Variants in CDK6 observed in about 807,000 individuals in gnomAD.
CDK6 encodes cyclin-dependent kinase 6.
Under a neutral mutation model 37.1 loss-of-function variants are expected in CDK6, and 6 were observed. The observed-to-expected ratio is 0.16, with a 90% confidence interval of 0.09 to 0.32. CDK6 has a LOEUF of 0.32. Among genes scored for constraint, CDK6 ranks in the 10% least tolerant of loss-of-function variants. The pLI is 1.00. For missense variants in CDK6, 224 were observed against 418.9 expected, an observed-to-expected ratio of 0.53 and a Z score of 4.06; for synonymous variants, 160 against 161.3, an observed-to-expected ratio of 0.99 and a Z score of 0.06.
intron 4 of CDK6, among the ~76,000 whole-genome samples, chr7:92,715,344 C>T (rs75945930): frequency 6.6e-6 from 1 of 152,066 alleles, no homozygotes; most frequent in African/African-American, 2.4e-5. Context: ...AATTTACAGC[C>T]CCATTTTTAG....
chr7:92,630,117 C>T (rs1315271568), intron 5 of CDK6, among the ~76,000 whole-genome samples: 1 of 152,046 alleles, frequency 6.6e-6, no homozygotes, highest in Non-Finnish European at 1.5e-5. Context: ...CGTCCTTCTT[C>T]ATATTAATGA....
chr7:92,665,763 C>A (rs1796942482), intron 5 of CDK6, among the ~76,000 whole-genome samples: 1 of 152,194 alleles, frequency 6.6e-6, no homozygotes, highest in South Asian at 2.1e-4. Flanking sequence ...ATACACAAAT[C>A]ATTACAGAAA....
In CDK6 at chr7:92,608,711, T is replaced by A. The variant is rs1795489371; in HGVS notation, c.*6429A>T. ...AGACACCCGTTTGCTACTAGGGACATTTTTCTTCCTAAGATTTGCAGAACA... is the reference window on the plus strand; with the variant it reads ...AGACACCCGTTTGCTACTAGGGACAATTTTCTTCCTAAGATTTGCAGAACA... On this transcript the variant is annotated 3_prime_UTR_variant, in exon 8 of 8. Transcript: ENST00000424848. 8.7e-6 allele frequency: 2 copies of A among 230,072 alleles called. No homozygotes were observed. Among genetic ancestry groups the A allele is most frequent in the Admixed American group, 1.1e-4 (2 of 17,686 alleles). The allele number at this position is 230,072 out of a possible 1,614,324, so 14.3% of individuals were successfully genotyped here.
chr7:92,818,748 T>G (rs1430756315), intron 2 of CDK6, among the ~76,000 whole-genome samples: 1 of 151,968 alleles, frequency 6.6e-6, no homozygotes, highest in East Asian at 1.9e-4. Context: ...AACTCAATTT[T>G]AAAAAACGGT....
rs975433223 is a variant in CDK6 at position 92,725,499 on chromosome 7, G to T, written c.537+127C>A. 7.1e-6 allele frequency: 8 copies of T among 1,127,542 alleles called. No homozygotes were observed. In the African/African-American group the frequency reaches 1.1e-4, roughly 16 times the overall value. The allele number at this position is 1,127,542 out of a possible 1,614,324, so 69.8% of individuals were successfully genotyped here. A position where few individuals can be genotyped will look rare whatever the true frequency, so the allele number is the denominator to read the frequency against. ...TGCCTACCCACTGCCATATAAAAAT[G>T]GGCAAAGACATTCTATCCACCAACT... On this transcript the variant is annotated intron_variant, in intron 4 of 7. Transcript: ENST00000424848.
intron 2 of CDK6, among the ~76,000 whole-genome samples, chr7:92,785,820 G>GT (rs1800116087): frequency 6.6e-6 from 1 of 152,180 alleles, no homozygotes. Context: ...AAGCCAAAAT[G>GT]TTTTTGGTAA....
chr7:92,789,950 C>G (rs1800240782), intron 2 of CDK6, among the ~76,000 whole-genome samples: 1 of 152,140 alleles, frequency 6.6e-6, no homozygotes, highest in Non-Finnish European at 1.5e-5. Context: ...GACCTATTCT[C>G]TTCTTCCCCA....
In CDK6 at chr7:92,829,521, G is replaced by A. The variant is rs755904857; in HGVS notation, c.233+3570C>T. ...AAACATGGGAAGAACTGCTTCAGGA[G>A]AGTAGCTAGGTATGATTTACCCTGG... is the stretch of plus-strand genomic sequence containing the variant. On this transcript the variant is annotated intron_variant, in intron 2 of 7. Coordinates refer to ENST00000424848, the MANE Select transcript of CDK6 (RefSeq NM_001145306.2). 2.0e-5 allele frequency among the ~76,000 whole-genome samples: 3 copies of A among 152,062 alleles called. No individual in the cohort carries two copies. In the East Asian group the frequency reaches 6.0e-4, roughly 31 times the overall value.
In CDK6 at chr7:92,833,103, G is replaced by T. The variant is rs1296475506; in HGVS notation, c.221C>A (p.Pro74His). Reference protein sequence around the residue: ...VLRHLETFEHPNVVRLFDVCT... With the variant: ...VLRHLETFEHHNVVRLFDVCT... ...CTCCCTGGCTCACCTGACCACGTTGGGGTGCTCGAAGGTCTCCAGGTGCCT... is the reference window on the plus strand; with the variant it reads ...CTCCCTGGCTCACCTGACCACGTTGTGGTGCTCGAAGGTCTCCAGGTGCCT... The change falls in exon 2 of 8, where the codon CCC (proline) becomes CAC (histidine). Residue 74 changes from proline to histidine, a missense_variant. This residue lies in a region of CDK6 where 82 missense variants were observed against 202.1 expected (regional missense o/e 0.41). Coordinates refer to ENST00000424848, the MANE Select transcript of CDK6 (RefSeq NM_001145306.2). The surrounding 1 kb of genome is among the most constrained non-coding windows in gnomAD (Gnocchi z 6.1). The T allele has an allele frequency of 1.9e-6, 3 of 1,594,680 alleles. No individual in the cohort carries two copies. Among genetic ancestry groups the T allele is most frequent in the East Asian group, 4.5e-5 (2 of 43,998 alleles).
intron 2 of CDK6, among the ~76,000 whole-genome samples, chr7:92,806,250 T>C (rs1800722840): frequency 6.6e-6 from 1 of 152,200 alleles, no homozygotes; most frequent in Non-Finnish European, 1.5e-5. Flanking sequence ...TTTCTTCCTA[T>C]ACTTATGAAT....
chr7:92,728,367 A>C (rs1007758225), intron 3 of CDK6, among the ~76,000 whole-genome samples: 7 of 152,184 alleles, frequency 4.6e-5, no homozygotes, highest in African/African-American at 1.4e-4. Context: ...ATTTAAGTAA[A>C]AGTGGTTATT....
Position 92,835,459 on chromosome 7 carries a change from C to A in CDK6, c.-368+1019G>T, listed in dbSNP as rs896397000. On this transcript the variant is annotated intron_variant, in intron 1 of 7. Transcript: ENST00000424848. The surrounding 1 kb of genome is among the most constrained non-coding windows in gnomAD (Gnocchi z 4.2). ...AGAAACGGGAGCAGCAATGCCTTTT[C>A]CCCCCCTCTCCTCCACTTTTTTTTG... is the stretch of plus-strand genomic sequence containing the variant. Among the ~76,000 whole-genome samples the A allele has an allele frequency of 6.6e-6, 1 of 152,018 alleles. No individual in the cohort carries two copies. The highest frequency in any genetic ancestry group is 1.5e-5 in the Non-Finnish European group (1 of 67,970).
At chr7:92,622,147 G>A (rs1795817755) in intron 6 of CDK6, among the ~76,000 whole-genome samples, 1 of 151,822 alleles carries the variant, frequency 6.6e-6, no homozygotes, top group Admixed American at 6.6e-5. Context: ...CAATTTGGAT[G>A]GGCCTTTCAA....
intron 4 of CDK6, among the ~76,000 whole-genome samples, chr7:92,723,451 T>A (rs529047422): frequency 3.2e-4 from 49 of 152,276 alleles, no homozygotes; most frequent in Non-Finnish European, 6.5e-4. Context: ...TGTAGTCTTT[T>A]TCTCTTCAAG....
chr7:92,765,080 T>TTTGA (rs1349013670), intron 3 of CDK6, among the ~76,000 whole-genome samples: 1 of 152,190 alleles, frequency 6.6e-6, no homozygotes, highest in East Asian at 1.9e-4. Flanking sequence ...TTGAAGCTTC[T>TTTGA]AGTTCTCGTG....
At chr7:92,681,164 G>A (rs1797327236) in intron 4 of CDK6, among the ~76,000 whole-genome samples, 1 of 152,128 alleles carries the variant, frequency 6.6e-6, no homozygotes, top group Admixed American at 6.5e-5. Context: ...TTTAACAGAG[G>A]AAATGATCCT....
At chr7:92,824,650 C>T (rs1227085150) in intron 2 of CDK6, among the ~76,000 whole-genome samples, 6 of 152,038 alleles carry the variant, frequency 3.9e-5, no homozygotes, top group Non-Finnish European at 2.9e-5. Flanking sequence ...ACTTTCACAA[C>T]GTGAGGTGGA....
At chr7:92,744,440 C>T (rs548637892) in intron 3 of CDK6, among the ~76,000 whole-genome samples, 5 of 152,270 alleles carry the variant, frequency 3.3e-5, no homozygotes, top group African/African-American at 7.2e-5. Flanking sequence ...TAACTCCCAA[C>T]GGGTCTTTCT....
chr7:92,769,169 A>C (rs1450949870), intron 3 of CDK6, among the ~76,000 whole-genome samples: 1 of 152,200 alleles, frequency 6.6e-6, no homozygotes, highest in East Asian at 1.9e-4. Context: ...AATAAACCTA[A>C]TAGTGTGTTT....
Sources: gnomAD v4.1 joint callset for allele counts (sites outside exome capture counted in the v4.1 genomes callset) on GRCh38, gnomAD v4.1.1 for gene constraint, gnomAD v4.1.1 regional missense constraint, Gnocchi (gnomAD v3.1) non-coding constraint, MANE v1.5 for transcripts, NCBI Gene and HGNC (gene_info 2026-07-23, HGNC 2026-07-21) for gene names.